AAGAB: variants seen among roughly 807,000 people sequenced by gnomAD.
The protein encoded by AAGAB is alpha and gamma adaptin binding protein.
A neutral mutation model predicts 44.1 loss-of-function variants in AAGAB; 38 were observed. The ratio of observed to expected loss-of-function variants is 0.86; its 90% CI spans 0.67 to 1.13. The LOEUF is 1.13. Among genes scored for constraint, AAGAB ranks in the 50% most tolerant of loss-of-function variants. The probability of loss-of-function intolerance (pLI) is 0.00; values close to 1 mark genes in which losing one functional copy is unlikely to be tolerated. For missense variants in AAGAB, 450 were observed against 373.8 expected, an observed-to-expected ratio of 1.20 and a Z score of -1.68; for synonymous variants, 131 against 131.8, an observed-to-expected ratio of 0.99 and a Z score of 0.04.
chr15:67,205,163 G>A (rs953985689), intron 7 of AAGAB, among the ~76,000 whole-genome samples: 2 of 152,194 alleles, frequency 1.3e-5, no homozygotes, highest in Non-Finnish European at 2.9e-5. Flanking sequence ...GAACCCAGCT[G>A]TACAGGACTC....
Position 67,235,988 on chromosome 15 carries a change from C to T in AAGAB, c.442G>A (p.Glu148Lys). ...LVELSPEELP[E>K]EDDDFPESTG... Reference sequence around the variant, plus strand: ...ACACATAAACACTTACCATCCTCCTCAGGCAACTCCTCTGGACTAAGTTCT... The same window carrying T: ...ACACATAAACACTTACCATCCTCCTTAGGCAACTCCTCTGGACTAAGTTCT... The change falls in exon 4 of 10, where the codon GAG becomes AAG. Residue 148 changes from glutamate (E) to lysine (K), a missense_variant. Physicochemically the swap from Glu to Lys is moderately conservative, Grantham distance 56. Transcript: ENST00000261880. The T allele has an allele frequency of 1.2e-6, 2 of 1,609,002 alleles. No homozygotes were observed. The highest frequency in any genetic ancestry group is 1.3e-5 in the African/African-American group (1 of 74,906).
At chr15:67,238,815 C>T (rs1180580416) in intron 1 of AAGAB, among the ~76,000 whole-genome samples, 2 of 151,982 alleles carry the variant, frequency 1.3e-5, no homozygotes, top group African/African-American at 4.8e-5. Context: ...CCTGCCTCAG[C>T]CTCCCCAGTA....
chr15:67,254,579 G>A lies in AAGAB; in HGVS notation c.53C>T (p.Ser18Leu), dbSNP rs1403606443. The A allele has an allele frequency of 1.9e-6, 3 of 1,609,962 alleles. No homozygotes were observed. Among genetic ancestry groups the A allele is most frequent in the Admixed American group, 1.7e-5 (1 of 59,786 alleles). Residue 18 changes from serine to leucine, a missense_variant, in exon 1 of 10, where the codon TCA becomes TTA. Coordinates refer to ENST00000261880, the MANE Select transcript of AAGAB (RefSeq NM_024666.5). ...CTCACGTTGGACCAGCTGGTCTCCT[G>A]AGAAGACGGAGGAGCAGCTGGTGAC... ...ALVTSCSSVF[S>L]GDQLVQHILG...
chr15:67,233,032 A>G (rs1381866178), intron 4 of AAGAB, among the ~76,000 whole-genome samples: 4 of 152,248 alleles, frequency 2.6e-5, no homozygotes, highest in Non-Finnish European at 5.9e-5. Flanking sequence ...GTTAGATTCC[A>G]CTTATTACAC....
At position 67,242,467 on chromosome 15, in the gene AAGAB, T is replaced by A. The variant is rs913619646; in HGVS notation, c.74-5647A>T. 7.3e-4 allele frequency among the ~76,000 whole-genome samples: 91 copies of A among 124,384 alleles called. 9 individuals are homozygous for A. The highest frequency in any genetic ancestry group is 4.2e-3 in the Middle Eastern group (1 of 236). 81.6% of individuals were successfully genotyped at this position (124,384 alleles called of 152,430 possible). A position where few individuals can be genotyped will look rare whatever the true frequency, so the allele number is the denominator to read the frequency against. The stretch of plus-strand genomic sequence containing the variant: ...AAAAAAAAAAAAAAAAAAAAAAAAA[T>A]CATATCGGATTCATACTGTTGCAAG... On this transcript the variant is annotated intron_variant, in intron 1 of 9. Coordinates refer to ENST00000261880, the MANE Select transcript of AAGAB (RefSeq NM_024666.5).
Position 67,241,410 on chromosome 15 carries a change from A to T in AAGAB, c.74-4590T>A, listed in dbSNP as rs78602082. ...CAAAGTTGGTTTTATTCTTTCTCATAAACTGAAACTGCCTTGACAGCCAAG... is the reference window on the plus strand; with the variant it reads ...CAAAGTTGGTTTTATTCTTTCTCATTAACTGAAACTGCCTTGACAGCCAAG... On this transcript the variant is annotated intron_variant, in intron 1 of 9. Transcript: ENST00000261880. Among the ~76,000 whole-genome samples, 94 of 152,300 alleles carry T rather than the reference A, an allele frequency of 6.2e-4. 1 individual carries two copies. In the East Asian group the frequency reaches 0.014, roughly 23 times the overall value.
chr15:67,237,461 G>A (rs1378986130), intron 1 of AAGAB, among the ~76,000 whole-genome samples: 1 of 152,130 alleles, frequency 6.6e-6, no homozygotes, highest in Non-Finnish European at 1.5e-5. Context: ...TAATAGCCAA[G>A]CAAATTACTA....
intron 1 of AAGAB, among the ~76,000 whole-genome samples, chr15:67,239,950 AAAG>A (rs1964557155): frequency 1.3e-5 from 2 of 152,350 alleles, no homozygotes; most frequent in South Asian, 4.1e-4. Context: ...GCCCAGGAAA[AAAG>A]AAGCCACTTG....
chr15:67,240,971 T>G (rs1964581379), intron 1 of AAGAB, among the ~76,000 whole-genome samples: 1 of 151,490 alleles, frequency 6.6e-6, no homozygotes, highest in Non-Finnish European at 1.5e-5. Flanking sequence ...GATACTCTCT[T>G]TAGCATGAAT....
At chr15:67,231,398 C>T (rs112861721) in intron 5 of AAGAB, among the ~76,000 whole-genome samples, 1 of 152,222 alleles carries the variant, frequency 6.6e-6, no homozygotes, top group Non-Finnish European at 1.5e-5. Flanking sequence ...AAGCCTAACA[C>T]AACAGCCATG....
At chr15:67,216,660 T>C (rs1963958258) in intron 5 of AAGAB, among the ~76,000 whole-genome samples, 1 of 151,552 alleles carries the variant, frequency 6.6e-6, no homozygotes, top group Admixed American at 6.6e-5. Context: ...AATAGTTCCA[T>C]TGTAAAGTCC....
chr15:67,228,542 C>T (rs1382567960), intron 5 of AAGAB, among the ~76,000 whole-genome samples: 1 of 152,166 alleles, frequency 6.6e-6, no homozygotes, highest in Non-Finnish European at 1.5e-5. Context: ...TAAATTAGTT[C>T]AGCCACTGTG....
At chr15:67,226,456 T>C (rs558167966) in intron 5 of AAGAB, among the ~76,000 whole-genome samples, 1 of 152,286 alleles carries the variant, frequency 6.6e-6, no homozygotes, top group South Asian at 2.1e-4. Flanking sequence ...TTACTGGCCA[T>C]TTGTGTATTT....
chr15:67,241,925 T>C (rs1964609183), intron 1 of AAGAB, among the ~76,000 whole-genome samples: 1 of 152,116 alleles, frequency 6.6e-6, no homozygotes, highest in Non-Finnish European at 1.5e-5. Flanking sequence ...TAAAATAAAG[T>C]TGAAATTTTT....
chr15:67,202,553 C>T lies in AAGAB; in HGVS notation c.*268G>A. Reference sequence around the variant, plus strand: ...ATCACACAGACCTCTGAGATTTATCCTACCCTCATTCCTAGAACAAAAAAA... The same window carrying T: ...ATCACACAGACCTCTGAGATTTATCTTACCCTCATTCCTAGAACAAAAAAA... On this transcript the variant is annotated 3_prime_UTR_variant, in exon 10 of 10. Coordinates refer to ENST00000261880, the MANE Select transcript of AAGAB (RefSeq NM_024666.5). 2.4e-6 allele frequency: 1 copy of T among 420,894 alleles called. No individual in the cohort carries two copies. The highest frequency in any genetic ancestry group is 4.3e-6 in the Non-Finnish European group (1 of 233,372). 26.1% of individuals were successfully genotyped at this position (420,894 alleles called of 1,614,324 possible).
intron 1 of AAGAB, among the ~76,000 whole-genome samples, chr15:67,239,575 T>G (rs150337582): frequency 2.0e-5 from 3 of 152,216 alleles, no homozygotes; most frequent in Non-Finnish European, 4.4e-5. Context: ...CTAAAACAAG[T>G]TGATAGCTCA....
At chr15:67,241,030 T>G (rs1475734959) in intron 1 of AAGAB, among the ~76,000 whole-genome samples, 2 of 107,272 alleles carry the variant, frequency 1.9e-5, no homozygotes, top group East Asian at 2.7e-4. Context: ...ACCACAAATA[T>G]CTGTTCTCCT....
chr15:67,223,429 G>A (rs1444553609), intron 5 of AAGAB, among the ~76,000 whole-genome samples: 2 of 152,148 alleles, frequency 1.3e-5, no homozygotes, highest in African/African-American at 2.4e-5. Flanking sequence ...CAAGTGTTCA[G>A]GCCCAAATCC....
At chr15:67,233,229 T>C (rs1376815028) in intron 4 of AAGAB, among the ~76,000 whole-genome samples, 2 of 152,222 alleles carry the variant, frequency 1.3e-5, no homozygotes, top group African/African-American at 4.8e-5. Flanking sequence ...CAGAGAAAGA[T>C]AGTTTGAGTG....
Sources: gnomAD v4.1 joint callset for allele counts (sites outside exome capture counted in the v4.1 genomes callset) on GRCh38, gnomAD v4.1.1 for gene constraint, MANE v1.5 for transcripts, NCBI Gene and HGNC (gene_info 2026-07-23, HGNC 2026-07-21) for gene names.